PXDN: variants seen among roughly 807,000 people sequenced by gnomAD.
PXDN encodes peroxidasin homolog.
A neutral mutation model predicts 140.3 loss-of-function variants in PXDN; 77 were observed. That is an observed-to-expected ratio of 0.55 (90% CI 0.46 to 0.66). The LOEUF (loss-of-function observed/expected upper bound fraction) is 0.66, where lower values mean the gene tolerates loss of function less well. Ranked by LOEUF, PXDN falls within the 30% of genes least tolerant of loss-of-function variation. The pLI is 0.00. For missense variants in PXDN, 1,838 were observed against 2,039.5 expected, an observed-to-expected ratio of 0.90 and a Z score of 1.90; for synonymous variants, 911 against 857.4, an observed-to-expected ratio of 1.06 and a Z score of -1.09.
chr2:1,635,755 G>C (rs1353318199), intron 21 of PXDN: 2 of 517,566 alleles, frequency 3.9e-6, no homozygotes, highest in East Asian at 3.6e-5. Context: ...AAAAACCGTA[G>C]TCACAAAGGC....
chr2:1,646,586 T>C (rs139494574), intron 17 of PXDN, among the ~76,000 whole-genome samples: 1 of 152,342 alleles, frequency 6.6e-6, no homozygotes, highest in East Asian at 1.9e-4. Context: ...TTAAATTTAA[T>C]AGGACATCAT....
intron 1 of PXDN, among the ~76,000 whole-genome samples, chr2:1,706,193 A>G (rs1292968741): frequency 1.3e-5 from 2 of 152,128 alleles, no homozygotes; most frequent in Non-Finnish European, 2.9e-5. Flanking sequence ...GGGTTATTCT[A>G]TGAAATTGGG....
intron 9 of PXDN, among the ~76,000 whole-genome samples, 171 bp downstream of exon 9, chr2:1,673,472 G>A (rs772319928): frequency 2.0e-5 from 3 of 152,154 alleles, no homozygotes; most frequent in Non-Finnish European, 2.9e-5. Context: ...ACCGCTCATG[G>A]ATCATCTACG....
chr2:1,641,063 T>G (rs909790874), intron 19 of PXDN, among the ~76,000 whole-genome samples: 1 of 152,228 alleles, frequency 6.6e-6, no homozygotes, highest in African/African-American at 2.4e-5. Flanking sequence ...CCAGACCTAG[T>G]GCAGACCCCA....
intron 1 of PXDN, among the ~76,000 whole-genome samples, chr2:1,710,174 G>A (rs1285508011): frequency 6.6e-6 from 1 of 152,276 alleles, no homozygotes; most frequent in South Asian, 2.1e-4. Context: ...TATGAAACAG[G>A]TTCCTAGAAA....
chr2:1,704,353 A>G (rs960467076), intron 1 of PXDN, among the ~76,000 whole-genome samples: 427 of 45,384 alleles, frequency 9.4e-3, no homozygotes, highest in East Asian at 0.022. Context: ...TGAAAGAGGG[A>G]CAACTCCAGG....
chr2:1,736,647 C>T (rs1341708349), intron 1 of PXDN, among the ~76,000 whole-genome samples: 3 of 151,358 alleles, frequency 2.0e-5, no homozygotes, highest in African/African-American at 7.3e-5. Context: ...AGCAAGACTC[C>T]ATCTCCACAA....
Position 1,648,545 on chromosome 2 carries a change from G to C in PXDN, c.3235C>G (p.Pro1079Ala). The C allele has an allele frequency of 2.5e-6, 4 of 1,613,740 alleles. No individual in the cohort carries two copies. Among genetic ancestry groups the C allele is most frequent in the Non-Finnish European group, 3.4e-6 (4 of 1,179,904 alleles). Residue 1079 changes from proline to alanine, a missense_variant, in exon 17 of 23, where the codon CCA becomes GCA. Physicochemically the swap from Pro to Ala is conservative, Grantham distance 27. Coordinates refer to ENST00000252804, the MANE Select transcript of PXDN (RefSeq NM_012293.3). This position sits in a 1 kb window ranked among gnomAD's most constrained non-coding sequence, Gnocchi z 8.9. The part of the protein sequence containing the change: ...AFRFGHTLVN[P>A]LLYRLDENFQ... The stretch of plus-strand genomic sequence containing the variant: ...TTCTCGTCCAGCCGGTAAAGCAGTG[G>C]GTTGACAAGCGTGTGGCCAAACCTG...
chr2:1,710,800 C>T (rs1408877791), intron 1 of PXDN, among the ~76,000 whole-genome samples: 3 of 56,292 alleles, frequency 5.3e-5, no homozygotes, highest in Admixed American at 1.9e-4. Context: ...CCCACTCCAC[C>T]AGCACCCACT....
chr2:1,705,028 A>T (rs1684557877), intron 1 of PXDN, among the ~76,000 whole-genome samples: 1 of 152,156 alleles, frequency 6.6e-6, no homozygotes, highest in African/African-American at 2.4e-5. Flanking sequence ...ACCAACTAAA[A>T]ATTAACTGAA....
In PXDN at chr2:1,648,087, C is replaced by A. The variant is rs1682895340; in HGVS notation, c.3608+85G>T. 6 of 1,506,192 alleles carry A rather than the reference C, an allele frequency of 4.0e-6. 1 individual carries two copies. In the African/African-American group the frequency reaches 6.9e-5, roughly 17 times the overall value. The allele number at this position is 1,506,192 out of a possible 1,614,324, so 93.3% of individuals were successfully genotyped here. A position where few individuals can be genotyped will look rare whatever the true frequency, so the allele number is the denominator to read the frequency against. On this transcript the variant is annotated intron_variant, in intron 17 of 22. Transcript: ENST00000252804. The surrounding 1 kb of genome is among the most constrained non-coding windows in gnomAD (Gnocchi z 8.9). ...GCACGACACGAACAAAACTCACACACAGAGACAAATAACACACACACCACA... is the reference window on the plus strand; with the variant it reads ...GCACGACACGAACAAAACTCACACAAAGAGACAAATAACACACACACCACA...
rs371281089 is a variant in PXDN at position 1,674,593 on chromosome 2, A to G, written c.849-781T>C. ...AGCTGCAACCTTTACCCCAACGCTCAGTCCTGCCGCCTCTCACCCTCACCC... is the reference window on the plus strand; with the variant it reads ...AGCTGCAACCTTTACCCCAACGCTCGGTCCTGCCGCCTCTCACCCTCACCC... On this transcript the variant is annotated intron_variant, in intron 8 of 22. Transcript: ENST00000252804. Among the ~76,000 whole-genome samples, 27 of 152,316 alleles carry G rather than the reference A, an allele frequency of 1.8e-4. No homozygotes were observed. In the East Asian group the frequency reaches 3.1e-3, roughly 17 times the overall value.
chr2:1,690,189 T>C (rs1684154235), intron 3 of PXDN, among the ~76,000 whole-genome samples: 1 of 152,204 alleles, frequency 6.6e-6, no homozygotes, highest in African/African-American at 2.4e-5. Context: ...CGGGCCTCTC[T>C]GGACAGCTTC....
At position 1,680,164 on chromosome 2, in the gene PXDN, G is replaced by A. The variant is rs369399387; in HGVS notation, c.730+29C>T. ...GTGTGTGTAGATGGTGTGAGTGTGT[G>A]GATGGTGTGTGCGTGTCGGGCCACT... is the stretch of plus-strand genomic sequence containing the variant. On this transcript the variant is annotated intron_variant, in intron 7 of 22. Coordinates refer to ENST00000252804, the MANE Select transcript of PXDN (RefSeq NM_012293.3). 55 of 1,458,472 alleles carry A rather than the reference G, an allele frequency of 3.8e-5. No individual in the cohort carries two copies. In the African/African-American group the frequency reaches 6.7e-4, roughly 18 times the overall value. The allele number at this position is 1,458,472 out of a possible 1,614,324, so 90.3% of individuals were successfully genotyped here. A position where few individuals can be genotyped will look rare whatever the true frequency, so the allele number is the denominator to read the frequency against.
At chr2:1,675,262 G>T (rs1453932399) in intron 8 of PXDN, among the ~76,000 whole-genome samples, 1 of 152,168 alleles carries the variant, frequency 6.6e-6, no homozygotes, top group East Asian at 1.9e-4. Flanking sequence ...GACTCGAGCT[G>T]GTGGAGGGCA....
At position 1,643,585 on chromosome 2, in the gene PXDN, C is replaced by A. The variant is rs776522491; in HGVS notation, c.3744-9G>T. ...GGTTCTCATACCACAACCTGGATCCCCCAAAATGAAAGCAGGATCAGAGAA... is the reference window on the plus strand; with the variant it reads ...GGTTCTCATACCACAACCTGGATCCACCAAAATGAAAGCAGGATCAGAGAA... On this transcript the variant is annotated splice_polypyrimidine_tract_variant and intron_variant, in intron 18 of 22. Coordinates refer to ENST00000252804, the MANE Select transcript of PXDN (RefSeq NM_012293.3). 1 of 1,613,184 alleles carries A rather than the reference C, an allele frequency of 6.2e-7. No homozygotes were observed. Among genetic ancestry groups the A allele is most frequent in the Admixed American group, 1.7e-5 (1 of 60,006 alleles).
intron 1 of PXDN, among the ~76,000 whole-genome samples, chr2:1,716,429 C>G (rs1021953674): frequency 3.4e-5 from 4 of 116,736 alleles, no homozygotes; most frequent in Non-Finnish European, 6.6e-5. Flanking sequence ...CAGAGTGAGA[C>G]TCCATCTCAG....
intron 14 of PXDN, among the ~76,000 whole-genome samples, chr2:1,658,027 GCTCTCTCTCT>G (rs1156959508): frequency 0.024 from 116 of 4,862 alleles, 1 homozygote; most frequent in Non-Finnish European, 0.028. Flanking sequence ...TCAGCTGTGG[GCTCTCTCTCT>G]CTCTCTCTCT....
chr2:1,735,072 CCT>C (rs1254133475), intron 1 of PXDN, among the ~76,000 whole-genome samples: 2 of 152,174 alleles, frequency 1.3e-5, no homozygotes, highest in Non-Finnish European at 2.9e-5. Context: ...CACAACTCCC[CCT>C]CTGTTCTAGT....
Sources: gnomAD v4.1 joint callset for allele counts (sites outside exome capture counted in the v4.1 genomes callset) on GRCh38, gnomAD v4.1.1 for gene constraint, Gnocchi (gnomAD v3.1) non-coding constraint, MANE v1.5 for transcripts, NCBI Gene and HGNC (gene_info 2026-07-23, HGNC 2026-07-21) for gene names.